BACH1: variants seen among roughly 807,000 people sequenced by gnomAD.
The protein encoded by BACH1 is BTB domain and CNC homolog 1.
BACH1 carries 35 observed loss-of-function variants against 52.9 expected under a neutral mutation model. The ratio of observed to expected loss-of-function variants is 0.66; its 90% CI spans 0.51 to 0.88. The LOEUF is 0.88. Ranked by LOEUF, BACH1 falls within the 40% of genes least tolerant of loss-of-function variation. The pLI is 0.00. For synonymous variants in BACH1, 321 were observed against 319.6 expected (o/e 1.00, Z -0.05); for missense variants, 808 against 872.6 (o/e 0.93, Z 0.93).
intron 2 of BACH1, chr21:29,351,604 A>G (rs547993610): frequency 1.1e-5 from 6 of 534,612 alleles, no homozygotes; most frequent in Non-Finnish European, 1.9e-5. Context: ...ATTATGCTCA[A>G]CATCTGATAT....
downstream of BACH1, among the ~76,000 whole-genome samples, chr21:29,349,871 A>G (rs2089192291): frequency 6.6e-6 from 1 of 152,102 alleles, no homozygotes; most frequent in South Asian, 2.1e-4. Context: ...TGAGCCACTT[A>G]GACTCTTGGC....
At chr21:29,330,678 A>C (rs886479917) in intron 4 of BACH1, among the ~76,000 whole-genome samples, 1 of 152,144 alleles carries the variant, frequency 6.6e-6, no homozygotes, top group Non-Finnish European at 1.5e-5. Context: ...TGAATATTCA[A>C]TTTTGTGTCT....
chr21:29,336,135 G>A (rs1443825717), intron 4 of BACH1, among the ~76,000 whole-genome samples: 1 of 151,986 alleles, frequency 6.6e-6, no homozygotes, highest in East Asian at 1.9e-4. Context: ...AACCTGTTTA[G>A]TCTCTTAATC....
At chr21:29,323,075 T>A (rs2088867753) in intron 2 of BACH1, among the ~76,000 whole-genome samples, 2 of 152,234 alleles carry the variant, frequency 1.3e-5, no homozygotes, top group Non-Finnish European at 2.9e-5. Flanking sequence ...TTCATTATAG[T>A]GACAATGTCA....
intron 4 of BACH1, among the ~76,000 whole-genome samples, chr21:29,332,080 G>A (rs976996408): frequency 1.3e-5 from 2 of 151,962 alleles, no homozygotes; most frequent in Non-Finnish European, 2.9e-5. Context: ...TTACAGGCAC[G>A]TGCCACCACA....
intron 1 of BACH1, among the ~76,000 whole-genome samples, chr21:29,320,977 C>T (rs543689666): frequency 6.6e-6 from 1 of 152,178 alleles, no homozygotes; most frequent in Non-Finnish European, 1.5e-5. Flanking sequence ...TTTCAGAGAG[C>T]CATGAAATCC....
intron 1 of BACH1, among the ~76,000 whole-genome samples, chr21:29,311,585 T>A (rs1225222930): frequency 6.6e-6 from 1 of 152,242 alleles, no homozygotes; most frequent in Non-Finnish European, 1.5e-5. Context: ...TTTATCAACC[T>A]AAGATATTAT....
chr21:29,300,944 C>T (rs1015428446), intron 1 of BACH1: 1 of 152,198 alleles, frequency 6.6e-6, no homozygotes, highest in South Asian at 2.1e-4. Context: ...TTATATGACA[C>T]CACTGCCTTT....
chr21:29,308,410 G>A (rs146962234), intron 1 of BACH1, among the ~76,000 whole-genome samples: 230 of 152,194 alleles, frequency 1.5e-3, no homozygotes, highest in African/African-American at 5.2e-3. Flanking sequence ...TTTCAAATTT[G>A]TGATTCATAT....
At position 29,331,408 on chromosome 21, in the gene BACH1, G is replaced by T. The variant is rs149439479; in HGVS notation, c.1776+1715G>T. The stretch of plus-strand genomic sequence containing the variant: ...AAACAAGACTATTCTAGTTTATTTC[G>T]TAACTTTATTTTATAAATGGATACT... On this transcript the variant is annotated intron_variant, in intron 4 of 4. Coordinates refer to ENST00000286800, the MANE Select transcript of BACH1 (RefSeq NM_001186.4). 1.6e-3 allele frequency among the ~76,000 whole-genome samples: 242 copies of T among 152,222 alleles called. 3 individuals carry two copies. The highest frequency in any genetic ancestry group is 5.0e-3 in the African/African-American group (206 of 41,536).
At chr21:29,327,785 C>G (rs963586569) in intron 3 of BACH1, among the ~76,000 whole-genome samples, 2 of 152,192 alleles carry the variant, frequency 1.3e-5, no homozygotes, top group Admixed American at 1.3e-4. Flanking sequence ...TGCACCACTG[C>G]ACTCCAGCCT....
At chr21:29,311,313 C>G (rs995681685) in intron 1 of BACH1, among the ~76,000 whole-genome samples, 2 of 152,172 alleles carry the variant, frequency 1.3e-5, no homozygotes, top group South Asian at 2.1e-4. Context: ...TTAATACTTG[C>G]AACCAAGTGA....
chr21:29,326,402 C>G lies in BACH1; in HGVS notation c.578C>G (p.Ala193Gly). Residue 193 changes from alanine to glycine, a missense_variant, in exon 3 of 5, where the codon GCA becomes GGA. Ala to Gly is a moderately conservative substitution (Grantham distance 60, BLOSUM62 0). Transcript: ENST00000286800. ...QCKLRRYQGN[A>G]KASPPLQDSA... ...AAACTCCGCAGGTATCAAGGAAATGCAAAAGCCTCACCTCCTCTACAAGAC... is the reference window on the plus strand; with the variant it reads ...AAACTCCGCAGGTATCAAGGAAATGGAAAAGCCTCACCTCCTCTACAAGAC... 5.0e-6 allele frequency: 8 copies of G among 1,614,188 alleles called. No individual in the cohort carries two copies. The highest frequency in any genetic ancestry group is 5.9e-6 in the Non-Finnish European group (7 of 1,180,030).
At chr21:29,324,792 A>G (rs1462798622) in intron 2 of BACH1, among the ~76,000 whole-genome samples, 1 of 152,172 alleles carries the variant, frequency 6.6e-6, no homozygotes, top group African/African-American at 2.4e-5. Flanking sequence ...AGTTTTTTTC[A>G]AAGTGTCTGT....
In BACH1 at chr21:29,334,215, G is replaced by A. The variant is rs571543362; in HGVS notation, c.1776+4522G>A. Among the ~76,000 whole-genome samples, 3 of 151,316 alleles carry A rather than the reference G, an allele frequency of 2.0e-5. No individual in the cohort carries two copies. The East Asian group carries it at 5.8e-4, about 29-fold the overall frequency. On this transcript the variant is annotated intron_variant, in intron 4 of 4. Transcript: ENST00000286800. ...TAGGTTCACACCATTCACCTGCCTC[G>A]GCCTCCCGAGTAGCTGGGACTACAG...
chr21:29,357,634 C>T (rs1201208654), intron 2 of BACH1, among the ~76,000 whole-genome samples: 2 of 152,220 alleles, frequency 1.3e-5, no homozygotes, highest in African/African-American at 2.4e-5. Flanking sequence ...GCCACAACTA[C>T]CCTTAAAGAG....
chr21:29,357,423 G>C (rs553394263), intron 2 of BACH1, among the ~76,000 whole-genome samples: 1 of 152,326 alleles, frequency 6.6e-6, no homozygotes, highest in African/African-American at 2.4e-5. Context: ...TGGGAGAAAA[G>C]TGGCAGGGTT....
intron 2 of BACH1, among the ~76,000 whole-genome samples, chr21:29,351,372 CAGT>C (rs2123487439): frequency 6.6e-6 from 1 of 152,328 alleles, no homozygotes; most frequent in Admixed American, 6.5e-5. Context: ...CAGAAACTGA[CAGT>C]AGTTCTGTTT....
At chr21:29,314,356 G>C (rs752019715) in intron 1 of BACH1, among the ~76,000 whole-genome samples, 2 of 152,106 alleles carry the variant, frequency 1.3e-5, no homozygotes, top group African/African-American at 2.4e-5. Context: ...TTATTTTTGA[G>C]CTTTGAGGAG....
Sources: gnomAD v4.1 joint callset for allele counts (sites outside exome capture counted in the v4.1 genomes callset) on GRCh38, gnomAD v4.1.1 for gene constraint, MANE v1.5 for transcripts, NCBI Gene and HGNC (gene_info 2026-07-23, HGNC 2026-07-21) for gene names.